Variants in GABRA2 observed in about 807,000 individuals in gnomAD.
GABRA2 encodes gamma-aminobutyric acid receptor subunit alpha-2.
Under a neutral mutation model 48.7 loss-of-function variants are expected in GABRA2, and 16 were observed. That is an observed-to-expected ratio of 0.33 (90% CI 0.22 to 0.50). The LOEUF (loss-of-function observed/expected upper bound fraction) is 0.50, where lower values mean the gene tolerates loss of function less well. Ranked by LOEUF, GABRA2 falls within the 20% of genes least tolerant of loss-of-function variation. GABRA2 has a pLI of 0.98. For synonymous variants in GABRA2, 185 were observed against 184.5 expected, an observed-to-expected ratio of 1.00 and a Z score of -0.02; for missense variants, 275 against 535.6, an observed-to-expected ratio of 0.51 and a Z score of 4.80.
chr4:46,315,897 G>A (rs1728463555), intron 4 of GABRA2, among the ~76,000 whole-genome samples: 1 of 150,884 alleles, frequency 6.6e-6, no homozygotes, highest in African/African-American at 2.4e-5. Flanking sequence ...CTTGAGTTTA[G>A]TGTACACCCT....
chr4:46,263,747 T>C (rs1717521576), intron 8 of GABRA2, among the ~76,000 whole-genome samples: 2 of 152,054 alleles, frequency 1.3e-5, no homozygotes, highest in Non-Finnish European at 2.9e-5. Context: ...TTTCTGTATG[T>C]TGTTATGGTT....
chr4:46,322,289 G>A (rs976306847), intron 4 of GABRA2, among the ~76,000 whole-genome samples: 4 of 151,910 alleles, frequency 2.6e-5, no homozygotes, highest in African/African-American at 9.7e-5. Context: ...TTGCCGTAAT[G>A]TGAGAAAGGG....
chr4:46,322,663 C>T (rs1264089426), intron 4 of GABRA2, among the ~76,000 whole-genome samples: 2 of 151,846 alleles, frequency 1.3e-5, no homozygotes, highest in Non-Finnish European at 2.9e-5. Flanking sequence ...GCTGTGTCAC[C>T]GGCATCTAAA....
intron 3 of GABRA2, among the ~76,000 whole-genome samples, chr4:46,380,890 A>C (rs1023788790): frequency 6.6e-6 from 1 of 152,186 alleles, no homozygotes; most frequent in African/African-American, 2.4e-5. Flanking sequence ...CCACAGTCTA[A>C]GGATAAATAT....
chr4:46,261,826 T>A (rs1383311929), intron 9 of GABRA2, 100 bp downstream of exon 9: 1 of 956,476 alleles, frequency 1.0e-6, no homozygotes, highest in Non-Finnish European at 1.7e-6. Context: ...TTCATATATA[T>A]ATGGATGTCT....
intron 4 of GABRA2, among the ~76,000 whole-genome samples, chr4:46,321,619 T>C (rs1041350148): frequency 3.3e-5 from 5 of 151,996 alleles, no homozygotes; most frequent in African/African-American, 1.2e-4. Context: ...TTTGAGCAGG[T>C]TGGCTAACCT....
intron 9 of GABRA2, among the ~76,000 whole-genome samples, chr4:46,254,385 A>G (rs1001167852): frequency 2.0e-5 from 3 of 151,550 alleles, no homozygotes. Context: ...ACTCATTTCC[A>G]TAAATGAATT....
In GABRA2 at chr4:46,302,039, G is replaced by A. The variant is rs532685214; in HGVS notation, c.856+1421C>T. ...GAAGTTTGTTATTAAATAAACTCAT[G>A]GAATGAATAATATACCACTCCTTTT... On this transcript the variant is annotated intron_variant, in intron 8 of 9. Coordinates refer to ENST00000381620, the MANE Select transcript of GABRA2 (RefSeq NM_000807.4). 4.0e-5 allele frequency among the ~76,000 whole-genome samples: 6 copies of A among 151,846 alleles called. 1 individual carries two copies. Among genetic ancestry groups the A allele is most frequent in the African/African-American group, 1.4e-4 (6 of 41,430 alleles).
chr4:46,386,408 T>C (rs1452547480), intron 2 of GABRA2, among the ~76,000 whole-genome samples: 1 of 152,186 alleles, frequency 6.6e-6, no homozygotes, highest in African/African-American at 2.4e-5. Flanking sequence ...AGAAGTTTGA[T>C]GTTAACATTA....
At chr4:46,264,255 G>C (rs1160740643) in intron 8 of GABRA2, among the ~76,000 whole-genome samples, 1 of 151,950 alleles carries the variant, frequency 6.6e-6, no homozygotes, top group Non-Finnish European at 1.5e-5. Flanking sequence ...CTATAAATAA[G>C]ATCATGCAAA....
chr4:46,330,587 T>TAGAGAGAGAGAGAG lies in GABRA2; in HGVS notation c.255+2027_255+2028insCTCTCTCTCTCTCT, dbSNP rs1425282470. 8.0e-4 allele frequency among the ~76,000 whole-genome samples: 99 copies of TAGAGAGAGAGAGAG among 123,502 alleles called. 1 individual carries two copies. The East Asian group carries it at 0.019, about 24-fold the overall frequency. 81.0% of individuals were successfully genotyped at this position (123,502 alleles called of 152,430 possible). A position where few individuals can be genotyped will look rare whatever the true frequency, so the allele number is the denominator to read the frequency against. On this transcript the variant is annotated intron_variant, in intron 4 of 9. Coordinates refer to ENST00000381620, the MANE Select transcript of GABRA2 (RefSeq NM_000807.4). Reference sequence around the variant, plus strand: ...GCATATATATATATATATATATATATATATAGAGAGAGAGAGAGAGAGATG... The same window carrying TAGAGAGAGAGAGAG: ...GCATATATATATATATATATATATATAGAGAGAGAGAGAGATATAGAGAGAGAGAGAGAGAGATG...
chr4:46,322,043 A>C (rs888127504), intron 4 of GABRA2, among the ~76,000 whole-genome samples: 1 of 152,024 alleles, frequency 6.6e-6, no homozygotes, highest in African/African-American at 2.4e-5. Context: ...GAGAACTACC[A>C]ATAGAACCAG....
In GABRA2 at chr4:46,248,138, C is replaced by A. The variant is rs1714058526; in HGVS notation, c.*2170G>T. Among the ~76,000 whole-genome samples the A allele has an allele frequency of 6.6e-6, 1 of 151,214 alleles. No individual in the cohort carries two copies. Among genetic ancestry groups the A allele is most frequent in the African/African-American group, 2.4e-5 (1 of 41,324 alleles). ...AAACTGTTATTTACAACTGTTTTTA[C>A]ATATACACATATTTATAAATTTATA... On this transcript the variant is annotated 3_prime_UTR_variant, in exon 10 of 10. Transcript: ENST00000381620.
At chr4:46,271,448 C>T (rs923566732) in intron 8 of GABRA2, among the ~76,000 whole-genome samples, 1 of 151,848 alleles carries the variant, frequency 6.6e-6, no homozygotes, top group African/African-American at 2.4e-5. Flanking sequence ...GTTAAATACC[C>T]TATCCCCCAA....
chr4:46,278,156 C>T (rs1016364274), intron 8 of GABRA2, among the ~76,000 whole-genome samples: 3 of 152,094 alleles, frequency 2.0e-5, no homozygotes, highest in Admixed American at 2.0e-4. Flanking sequence ...TACACACACA[C>T]TTATACACAC....
chr4:46,301,513 A>G (rs1577969339), intron 8 of GABRA2, among the ~76,000 whole-genome samples: 1 of 152,114 alleles, frequency 6.6e-6, no homozygotes, highest in South Asian at 2.1e-4. Context: ...CTATGTCTCC[A>G]CTGCCACTGA....
chr4:46,314,078 G>A (rs59774668), intron 4 of GABRA2, among the ~76,000 whole-genome samples: 12,546 of 152,052 alleles, frequency 0.083, 1,693 homozygotes, highest in African/African-American at 0.29. Context: ...CCTAGTGAGC[G>A]TGGGCTCACT....
chr4:46,374,818 T>C (rs1303875418), intron 3 of GABRA2, among the ~76,000 whole-genome samples: 5 of 148,834 alleles, frequency 3.4e-5, no homozygotes, highest in Admixed American at 2.7e-4. Context: ...TCTCTAAGAA[T>C]ACTGATATGC....
chr4:46,299,405 A>T (rs1242469640), intron 8 of GABRA2, among the ~76,000 whole-genome samples: 62 of 151,960 alleles, frequency 4.1e-4, no homozygotes, highest in Admixed American at 7.2e-4. Flanking sequence ...TGGTCTGCAA[A>T]ACAGTTTATT....
Sources: allele counts gnomAD v4.1 joint callset (sites outside exome capture counted in the v4.1 genomes callset), GRCh38; gene constraint gnomAD v4.1.1; transcripts MANE v1.5; gene names NCBI Gene and HGNC (gene_info 2026-07-23, HGNC 2026-07-21).